ZMYM2: variants seen among roughly 807,000 people sequenced by gnomAD.
ZMYM2 encodes zinc finger MYM-type containing 2.
A neutral mutation model predicts 162.8 loss-of-function variants in ZMYM2; 56 were observed. That is an observed-to-expected ratio of 0.34 (90% CI 0.28 to 0.43). The LOEUF is 0.43. ZMYM2 is among the 20% of genes least tolerant of loss of function. The pLI is 1.00. For missense variants in ZMYM2, 1,275 were observed against 1,621.8 expected, an observed-to-expected ratio of 0.79 and a Z score of 3.67; for synonymous variants, 510 against 541.6, an observed-to-expected ratio of 0.94 and a Z score of 0.81.
chr13:20,031,612 A>G (rs1321429560), intron 10 of ZMYM2, among the ~76,000 whole-genome samples, 177 bp downstream of exon 10: 1 of 148,564 alleles, frequency 6.7e-6, no homozygotes, highest in Admixed American at 8.4e-5. Context: ...CAAAGGATCT[A>G]TGTCTTTTTA....
chr13:19,917,032 C>G, the ZMYM2 span, among the ~76,000 whole-genome samples: 7 of 152,104 alleles, frequency 4.6e-5, no homozygotes, highest in Admixed American at 3.9e-4. Flanking sequence ...GAGCGATCTC[C>G]GCTCGCTGCA....
At chr13:20,018,120 C>G (rs1951772248) in intron 6 of ZMYM2, among the ~76,000 whole-genome samples, 1 of 152,130 alleles carries the variant, frequency 6.6e-6, no homozygotes, top group Admixed American at 6.5e-5. Context: ...TGGACATTAG[C>G]TGATACCACC....
At chr13:20,077,114 G>T (rs1957561506) in intron 21 of ZMYM2, among the ~76,000 whole-genome samples, 1 of 150,710 alleles carries the variant, frequency 6.6e-6, no homozygotes. Context: ...GCAGTGATGA[G>T]GTTGATTCAG....
chr13:20,068,209 A>G (rs1044534676), intron 21 of ZMYM2: 1 of 181,086 alleles, frequency 5.5e-6, no homozygotes, highest in Non-Finnish European at 1.2e-5. Context: ...GAATAGGTTT[A>G]CTTTTTTCTT....
intron 21 of ZMYM2, among the ~76,000 whole-genome samples, chr13:20,080,687 A>G (rs1957854473): frequency 6.6e-6 from 1 of 151,994 alleles, no homozygotes; most frequent in Admixed American, 6.6e-5. Flanking sequence ...ACGGGGTTTC[A>G]CCATCTTGCC....
intron 14 of ZMYM2, among the ~76,000 whole-genome samples, chr13:20,056,771 G>A (rs1283137807): frequency 6.6e-6 from 1 of 152,312 alleles, no homozygotes; most frequent in African/African-American, 2.4e-5. Flanking sequence ...GGTGATATCA[G>A]AATGGAATTC....
At chr13:19,955,675 G>C (rs1185041253), upstream of ZMYM2, among the ~76,000 whole-genome samples, 4 of 152,102 alleles carry the variant, frequency 2.6e-5, no homozygotes, top group African/African-American at 9.7e-5. Flanking sequence ...AGGCTGGAGT[G>C]CAGTGGTGCG....
At chr13:19,923,500 CTA>C in the ZMYM2 span, among the ~76,000 whole-genome samples, 1 of 145,684 alleles carries the variant, frequency 6.9e-6, no homozygotes, top group Non-Finnish European at 1.5e-5. Context: ...CTATATATAT[CTA>C]TATCTATTTG....
At chr13:19,926,360 AT>A in the ZMYM2 span, among the ~76,000 whole-genome samples, 1,292 of 105,422 alleles carry the variant, frequency 0.012, 14 homozygotes, top group African/African-American at 0.04. Flanking sequence ...AGGACTACTT[AT>A]TTTTTTTTTT....
chr13:20,084,413 G>A (rs259779), intron 24 of ZMYM2, among the ~76,000 whole-genome samples: 136,838 of 152,274 alleles, frequency 0.9, 61,985 homozygotes, highest in East Asian at 0.99. Flanking sequence ...TTGGGCCTAT[G>A]GAATCACTAT....
At chr13:19,926,969 G>A in the ZMYM2 span, among the ~76,000 whole-genome samples, 104 of 152,272 alleles carry the variant, frequency 6.8e-4, no homozygotes, top group Non-Finnish European at 7.9e-4. Flanking sequence ...CTCCCAGCCA[G>A]GACTACTTAT....
At chr13:20,029,930 G>C (rs1000830080) in intron 9 of ZMYM2, among the ~76,000 whole-genome samples, 5 of 151,498 alleles carry the variant, frequency 3.3e-5, no homozygotes, top group African/African-American at 1.2e-4. Flanking sequence ...AAGTAGCTGG[G>C]ATTACAGGCA....
chr13:19,918,495 CTTTTTTTT>C, the ZMYM2 span, among the ~76,000 whole-genome samples: 5 of 107,500 alleles, frequency 4.7e-5, no homozygotes, highest in Admixed American at 2.2e-4. Context: ...TTCTTTCTTT[CTTTTTTTT>C]TTTTTTTTTT....
At chr13:19,999,922 C>T (rs1216634474) in intron 3 of ZMYM2, among the ~76,000 whole-genome samples, 1 of 152,116 alleles carries the variant, frequency 6.6e-6, no homozygotes, top group Non-Finnish European at 1.5e-5. Flanking sequence ...CTCAGCCTCC[C>T]GAGTATCTAG....
At chr13:19,907,671 A>C in the ZMYM2 span, among the ~76,000 whole-genome samples, 2 of 140,990 alleles carry the variant, frequency 1.4e-5, no homozygotes, top group African/African-American at 5.1e-5. Context: ...CTGAGGCAGG[A>C]GAATTGCTTG....
the ZMYM2 span, among the ~76,000 whole-genome samples, chr13:19,872,966 C>G: frequency 6.6e-6 from 1 of 151,646 alleles, no homozygotes; most frequent in Non-Finnish European, 1.5e-5. Flanking sequence ...CGCCACTGCA[C>G]TCCAGCCAGG....
the ZMYM2 span, among the ~76,000 whole-genome samples, chr13:19,896,044 T>TGA: frequency 6.6e-6 from 1 of 150,730 alleles, no homozygotes. Context: ...TTTTTTTTTT[T>TGA]GAGAGAGTCT....
chr13:19,946,999 C>T, the ZMYM2 span, among the ~76,000 whole-genome samples: 1 of 151,990 alleles, frequency 6.6e-6, no homozygotes, highest in Non-Finnish European at 1.5e-5. Flanking sequence ...GGATCCTTAG[C>T]TTTGATTTGT....
chr13:19,883,923 A>G, the ZMYM2 span, among the ~76,000 whole-genome samples: 1 of 152,086 alleles, frequency 6.6e-6, no homozygotes, highest in East Asian at 1.9e-4. Context: ...CATCTGGCTA[A>G]TTTCTGTATT....
Sources: gnomAD v4.1 joint callset for allele counts (sites outside exome capture counted in the v4.1 genomes callset) on GRCh38, gnomAD v4.1.1 for gene constraint, MANE v1.5 for transcripts, NCBI Gene and HGNC (gene_info 2026-07-23, HGNC 2026-07-21) for gene names.